Variants in PDE4D observed in about 807,000 individuals in gnomAD.
PDE4D encodes the protein phosphodiesterase 4D.
In PDE4D, 24 loss-of-function variants were observed where a neutral mutation model predicts 87.4. That is an observed-to-expected ratio of 0.27 (90% CI 0.20 to 0.39). The LOEUF (loss-of-function observed/expected upper bound fraction) is 0.39, where lower values mean the gene tolerates loss of function less well. Ranked by LOEUF, PDE4D falls within the 10% of genes least tolerant of loss-of-function variation. PDE4D has a pLI of 1.00. For missense variants in PDE4D, 714 were observed against 1,041.0 expected (o/e 0.69, Z 4.32); for synonymous variants, 384 against 383.2 (o/e 1.00, Z -0.02).
At chr5:59,238,044 A>G (rs1448296111) in intron 1 of PDE4D, among the ~76,000 whole-genome samples, 3 of 152,124 alleles carry the variant, frequency 2.0e-5, no homozygotes, top group African/African-American at 7.2e-5. Context: ...ATATGATGAT[A>G]GTTAAGAACA....
At chr5:59,189,232 G>GTTTTTTTTTTT (rs34203891) in intron 3 of PDE4D, among the ~76,000 whole-genome samples, 2 of 99,896 alleles carry the variant, frequency 2.0e-5, no homozygotes. Flanking sequence ...TTCCTACCCC[G>GTTTTTTTTTTT]TTTTTTTTTT....
intron 2 of PDE4D, among the ~76,000 whole-genome samples, chr5:59,211,357 C>T (rs1750035181): frequency 1.3e-5 from 2 of 152,118 alleles, no homozygotes; most frequent in African/African-American, 4.8e-5. Flanking sequence ...CTGAATTTAG[C>T]CTAGTGCTAT....
chr5:60,472,494 A>C (rs1033650182), intron 1 of PDE4D, among the ~76,000 whole-genome samples: 3 of 152,172 alleles, frequency 2.0e-5, no homozygotes, highest in Admixed American at 6.5e-5. Flanking sequence ...ACACCCTTGC[A>C]CTTCGATTCT....
At chr5:60,276,134 G>T (rs1197192805) in intron 1 of PDE4D, among the ~76,000 whole-genome samples, 1 of 152,160 alleles carries the variant, frequency 6.6e-6, no homozygotes, top group Non-Finnish European at 1.5e-5. Flanking sequence ...TCTAAGTGTT[G>T]ATTAGATCCA....
chr5:60,369,723 A>G (rs1488739846), intron 1 of PDE4D, among the ~76,000 whole-genome samples: 2 of 152,158 alleles, frequency 1.3e-5, no homozygotes, highest in Non-Finnish European at 2.9e-5. Flanking sequence ...AGACCCCAAC[A>G]TATGAAAGCC....
intron 3 of PDE4D, among the ~76,000 whole-genome samples, chr5:59,907,760 GAC>G (rs745623444): frequency 2.6e-5 from 4 of 152,126 alleles, no homozygotes; most frequent in Non-Finnish European, 4.4e-5. Flanking sequence ...CCCTAGAGTG[GAC>G]CAAGGAGATG....
At chr5:59,329,240 T>C (rs1417549265) in intron 1 of PDE4D, among the ~76,000 whole-genome samples, 1 of 152,186 alleles carries the variant, frequency 6.6e-6, no homozygotes, top group Non-Finnish European at 1.5e-5. Context: ...CGGGCTGTTC[T>C]TATCTAATTT....
At chr5:59,699,125 A>G (rs958165852) in intron 1 of PDE4D, among the ~76,000 whole-genome samples, 2 of 152,190 alleles carry the variant, frequency 1.3e-5, no homozygotes, top group African/African-American at 4.8e-5. Context: ...ACTGTTTCTC[A>G]ATTGATCTAC....
chr5:59,744,846 A>T (rs1477394797), intron 1 of PDE4D, among the ~76,000 whole-genome samples: 1 of 152,084 alleles, frequency 6.6e-6, no homozygotes, highest in East Asian at 1.9e-4. Flanking sequence ...ACAGTGTTGT[A>T]TTTTTTTCCT....
chr5:59,768,236 G>A (rs1321335453), intron 1 of PDE4D: 1 of 1,597,882 alleles, frequency 6.3e-7, no homozygotes, highest in Non-Finnish European at 8.5e-7. Flanking sequence ...CGAGGTCTGC[G>A]CAAACCTTAC....
intron 1 of PDE4D, among the ~76,000 whole-genome samples, chr5:60,514,904 A>G (rs1750728401): frequency 6.6e-6 from 1 of 152,110 alleles, no homozygotes; most frequent in Non-Finnish European, 1.5e-5. Context: ...CAAAATAAAA[A>G]TATTCTTAGA....
chr5:59,142,111 GA>G (rs1777982829), intron 5 of PDE4D, among the ~76,000 whole-genome samples: 1 of 152,102 alleles, frequency 6.6e-6, no homozygotes, highest in Non-Finnish European at 1.5e-5. Context: ...TAACTACAGG[GA>G]AAAAGATAAG....
chr5:59,688,739 T>C (rs1214864414), intron 1 of PDE4D, among the ~76,000 whole-genome samples: 1 of 151,750 alleles, frequency 6.6e-6, no homozygotes, highest in Non-Finnish European at 1.5e-5. Flanking sequence ...CTGAAGGAGA[T>C]AGAGACACAA....
chr5:59,604,972 T>A (rs1420450447), intron 1 of PDE4D, among the ~76,000 whole-genome samples: 1 of 151,940 alleles, frequency 6.6e-6, no homozygotes, highest in Non-Finnish European at 1.5e-5. Flanking sequence ...ACACATTCAT[T>A]TTGGCACTGT....
intron 5 of PDE4D, chr5:59,039,459 C>T (rs1020138183): frequency 3.0e-6 from 3 of 991,564 alleles, no homozygotes; most frequent in South Asian, 4.4e-5. Flanking sequence ...GCCGAGCCTT[C>T]TGCACGGCAC....
intron 1 of PDE4D, among the ~76,000 whole-genome samples, chr5:60,240,767 G>A (rs146855401): frequency 1.2e-4 from 19 of 152,216 alleles, no homozygotes; most frequent in Middle Eastern, 6.8e-3. Context: ...TGGATCTTAT[G>A]CAAGAATACC....
intron 5 of PDE4D, among the ~76,000 whole-genome samples, chr5:59,052,678 G>A (rs556032622): frequency 5.9e-5 from 9 of 152,226 alleles, no homozygotes; most frequent in African/African-American, 2.2e-4. Flanking sequence ...CAACCATGGG[G>A]CAAATTTGGG....
chr5:59,134,790 A>C (rs1362294292), intron 5 of PDE4D, among the ~76,000 whole-genome samples: 2 of 152,158 alleles, frequency 1.3e-5, no homozygotes, highest in African/African-American at 4.8e-5. Flanking sequence ...CTTCAACACC[A>C]ATGCTCCTGA....
chr5:59,988,227 A>G (rs1307004861), intron 3 of PDE4D: 5 of 352,268 alleles, frequency 1.4e-5, no homozygotes, highest in Non-Finnish European at 2.6e-5. Flanking sequence ...TAATTTTCCA[A>G]GTACAACTGC....
Sources: gnomAD v4.1 joint callset for allele counts (sites outside exome capture counted in the v4.1 genomes callset) on GRCh38, gnomAD v4.1.1 for gene constraint, MANE v1.5 for transcripts, NCBI Gene and HGNC (gene_info 2026-07-23, HGNC 2026-07-21) for gene names.